Variants in PARD3B observed in about 807,000 individuals in gnomAD.
PARD3B encodes partitioning defective 3 homolog B.
A neutral mutation model predicts 130.2 loss-of-function variants in PARD3B; 103 were observed. The observed-to-expected ratio is 0.79, with a 90% CI of 0.67 to 0.93. The LOEUF (loss-of-function observed/expected upper bound fraction) is 0.93, where lower values mean the gene tolerates loss of function less well. PARD3B is among the 40% of genes least tolerant of loss of function. PARD3B has a pLI of 0.00. For missense variants in PARD3B, 1,609 were observed against 1,499.2 expected, an observed-to-expected ratio of 1.07 and a Z score of -1.21; for synonymous variants, 583 against 553.2, an observed-to-expected ratio of 1.05 and a Z score of -0.76.
At chr2:205,255,787 A>T (rs2040056874) in intron 16 of PARD3B, among the ~76,000 whole-genome samples, 1 of 151,998 alleles carries the variant, frequency 6.6e-6, no homozygotes, top group African/African-American at 2.4e-5. Context: ...GCTTCCATGC[A>T]CTCTCTCCAG....
At chr2:205,249,189 T>G (rs2039726958) in intron 16 of PARD3B, among the ~76,000 whole-genome samples, 1 of 145,502 alleles carries the variant, frequency 6.9e-6, no homozygotes, top group Admixed American at 6.8e-5. Context: ...TTTTTTTTTT[T>G]TGTATTTTTT....
rs574062838 is a variant in PARD3B, at chr2:205,389,934, A to G, written c.2631-11079A>G. On this transcript the variant is annotated intron_variant, in intron 18 of 22. Transcript: ENST00000406610. ...TTGAATTGAGACATCTCAGAAATTA[A>G]CCCCCAACAATTTCCCTTATTCAAA... Among the ~76,000 whole-genome samples the G allele has an allele frequency of 3.8e-3, 575 of 152,270 alleles. 1 individual carries two copies. Among genetic ancestry groups the G allele is most frequent in the Non-Finnish European group, 6.5e-3 (443 of 68,004 alleles).
chr2:205,468,317 CT>C (rs2048704267), intron 20 of PARD3B, among the ~76,000 whole-genome samples: 1 of 152,200 alleles, frequency 6.6e-6, no homozygotes, highest in Non-Finnish European at 1.5e-5. Context: ...AGATATTTCA[CT>C]ATTGTAGCCA....
chr2:205,371,995 CT>C (rs2044837000), intron 18 of PARD3B, among the ~76,000 whole-genome samples: 1 of 152,132 alleles, frequency 6.6e-6, no homozygotes, highest in Non-Finnish European at 1.5e-5. Context: ...ACGTGTATCC[CT>C]TTTTATTGCC....
Position 205,253,327 on chromosome 2 carries a change from C to G in PARD3B, c.2185+7505C>G. ...TCTGGCCGCCCCCCTACAAAGGAGG[C>G]CATGGAACCGATGGAACTGATGGAG... On this transcript the variant is annotated intron_variant, in intron 16 of 22. Coordinates refer to ENST00000406610, the MANE Select transcript of PARD3B (RefSeq NM_001302769.2). This position sits in a 1 kb window ranked among gnomAD's most constrained non-coding sequence, Gnocchi z 4.4. 1.9e-6 allele frequency: 1 copy of G among 534,290 alleles called. No individual in the cohort carries two copies. Among genetic ancestry groups the G allele is most frequent in the South Asian group, 1.4e-5 (1 of 69,090 alleles). The allele number at this position is 534,290 out of a possible 1,614,324, so 33.1% of individuals were successfully genotyped here. A position where few individuals can be genotyped will look rare whatever the true frequency, so the allele number is the denominator to read the frequency against.
At position 205,357,467 on chromosome 2, in the gene PARD3B, C is replaced by T. The variant is rs146566077; in HGVS notation, c.2631-43546C>T. On this transcript the variant is annotated intron_variant, in intron 18 of 22. Transcript: ENST00000406610. ...GGAAGAGAAACAGTCGACATGGGTG[C>T]AGAAGTGTTTGTAATTAAGTGGGTG... 8.5e-5 allele frequency among the ~76,000 whole-genome samples: 13 copies of T among 152,262 alleles called. No individual in the cohort carries two copies. In the East Asian group the frequency reaches 2.5e-3, roughly 29 times the overall value.
chr2:205,398,911 C>T (rs2046135525), intron 18 of PARD3B, among the ~76,000 whole-genome samples: 1 of 152,260 alleles, frequency 6.6e-6, no homozygotes, highest in South Asian at 2.1e-4. Context: ...GACTCTGATT[C>T]TCTGTGTGTG....
chr2:205,470,700 C>T lies in PARD3B; in HGVS notation c.3045-29196C>T, dbSNP rs1426374379. On this transcript the variant is annotated intron_variant, in intron 20 of 22. Transcript: ENST00000406610. This position sits in a 1 kb window ranked among gnomAD's most constrained non-coding sequence, Gnocchi z 4.8. ...TAGAAACTACTGAAGATCTGTAAAA[C>T]GTAATGAGGTTTCAAACAGATGTGG... 6.6e-6 allele frequency among the ~76,000 whole-genome samples: 1 copy of T among 150,948 alleles called. No homozygotes were observed. Among genetic ancestry groups the T allele is most frequent in the African/African-American group, 2.5e-5 (1 of 40,290 alleles).
chr2:204,862,280 C>T (rs79243446), intron 2 of PARD3B, among the ~76,000 whole-genome samples: 4,083 of 152,208 alleles, frequency 0.027, 139 homozygotes, highest in East Asian at 0.15. Context: ...ACTGTGACTT[C>T]GTCTTATGCA....
chr2:205,174,812 A>G (rs966992954), intron 12 of PARD3B, among the ~76,000 whole-genome samples: 5 of 152,226 alleles, frequency 3.3e-5, no homozygotes, highest in African/African-American at 1.2e-4. Flanking sequence ...GATGTACAAG[A>G]TATGTAAACA....
intron 21 of PARD3B, among the ~76,000 whole-genome samples, chr2:205,520,729 G>A (rs2051007609): frequency 1.3e-5 from 2 of 151,726 alleles, no homozygotes; most frequent in East Asian, 3.9e-4. Flanking sequence ...ATTAAATTGG[G>A]AACCTTCTGA....
intron 13 of PARD3B, among the ~76,000 whole-genome samples, chr2:205,182,063 C>G (rs7561940): frequency 1.3e-5 from 2 of 152,158 alleles, no homozygotes; most frequent in South Asian, 4.1e-4. Flanking sequence ...GAGGCCAAGG[C>G]AGGCAGATCA....
At chr2:204,891,126 T>C (rs937786670) in intron 2 of PARD3B, among the ~76,000 whole-genome samples, 5 of 152,000 alleles carry the variant, frequency 3.3e-5, no homozygotes, top group Non-Finnish European at 7.4e-5. Flanking sequence ...CAGGACCCGA[T>C]ATGGAATCTG....
At chr2:205,447,260 C>T (rs1315339340) in intron 20 of PARD3B, among the ~76,000 whole-genome samples, 1 of 151,876 alleles carries the variant, frequency 6.6e-6, no homozygotes, top group African/African-American at 2.4e-5. Flanking sequence ...CTGGTCTCAG[C>T]TTCAGGCTTC....
rs539663154 is a variant in PARD3B at position 205,000,765 on chromosome 2, T to C, written c.394+35442T>C. On this transcript the variant is annotated intron_variant, in intron 3 of 22. Coordinates refer to ENST00000406610, the MANE Select transcript of PARD3B (RefSeq NM_001302769.2). ...TTTTTAGAGTTTCAAACTGATTTCC[T>C]GAGTACATCGTCCCTACTTCCATCC... 3.9e-5 allele frequency among the ~76,000 whole-genome samples: 6 copies of C among 152,296 alleles called. No individual in the cohort carries two copies. The South Asian group carries it at 1.2e-3, about 32-fold the overall frequency.
intron 3 of PARD3B, among the ~76,000 whole-genome samples, chr2:205,019,707 T>A (rs1337335052): frequency 6.6e-6 from 1 of 152,190 alleles, no homozygotes; most frequent in Non-Finnish European, 1.5e-5. Context: ...ACTGTAGTTT[T>A]GATTTTCATT....
intron 1 of PARD3B, among the ~76,000 whole-genome samples, chr2:204,575,316 A>G (rs1354813962): frequency 6.6e-6 from 1 of 152,190 alleles, no homozygotes; most frequent in East Asian, 1.9e-4. Context: ...AACCTTTAAA[A>G]TATTAATTGC....
At chr2:204,909,418 A>G (rs989997378) in intron 2 of PARD3B, among the ~76,000 whole-genome samples, 5 of 152,220 alleles carry the variant, frequency 3.3e-5, no homozygotes, top group Non-Finnish European at 7.4e-5. Flanking sequence ...TATATGCTAC[A>G]TATTTACTAT....
At chr2:205,412,109 T>A (rs187286872) in intron 19 of PARD3B, among the ~76,000 whole-genome samples, 1 of 152,272 alleles carries the variant, frequency 6.6e-6, no homozygotes, top group East Asian at 1.9e-4. Context: ...TTTCTTCCCA[T>A]TCCACTCTTT....
Sources: gnomAD v4.1 joint callset for allele counts (sites outside exome capture counted in the v4.1 genomes callset) on GRCh38, gnomAD v4.1.1 for gene constraint, Gnocchi (gnomAD v3.1) non-coding constraint, MANE v1.5 for transcripts, NCBI Gene and HGNC (gene_info 2026-07-23, HGNC 2026-07-21) for gene names.